GUCY2F: variants seen among roughly 807,000 people sequenced by gnomAD.
GUCY2F encodes guanylate cyclase 2F, retinal, also known as retinal guanylyl cyclase 2.
Under a neutral mutation model 73.1 loss-of-function variants are expected in GUCY2F, and 61 were observed. That is an observed-to-expected ratio of 0.83 (90% CI 0.68 to 1.03). GUCY2F has a LOEUF of 1.03. GUCY2F is among the 50% of genes least tolerant of loss of function. The pLI, the probability that GUCY2F is intolerant of heterozygous loss-of-function variation, is 0.00. For synonymous variants in GUCY2F, 331 were observed against 307.8 expected (o/e 1.08, Z -0.79); for missense variants, 912 against 854.3 (o/e 1.07, Z -0.84).
rs113880541 is a variant in GUCY2F, at chrX:109,410,439, C to T, written c.1792-1271G>A. 5.1e-3 allele frequency among the ~76,000 whole-genome samples: 571 copies of T among 112,168 alleles called. 3 individuals are homozygous for T. Among genetic ancestry groups the T allele is most frequent in the African/African-American group, 0.018 (541 of 30,857 alleles). Reference sequence around the variant, plus strand: ...ATAGCTTCCCTATATAAACATCAGGCCAGAGCTTATACAATTTTTTTCAGA... The same window carrying T: ...ATAGCTTCCCTATATAAACATCAGGTCAGAGCTTATACAATTTTTTTCAGA... On this transcript the variant is annotated intron_variant, in intron 8 of 19. Coordinates refer to ENST00000218006, the MANE Select transcript of GUCY2F (RefSeq NM_001522.3).
At chrX:109,373,676 C>G (rs1459444052) in intron 19 of GUCY2F, among the ~76,000 whole-genome samples, 1 of 112,146 alleles carries the variant, frequency 8.9e-6, no homozygotes, top group Non-Finnish European at 1.9e-5. Flanking sequence ...CTGCCAAGTC[C>G]TCCTGAACAG....
intron 8 of GUCY2F, among the ~76,000 whole-genome samples, chrX:109,428,296 C>G (rs936951222): frequency 8.9e-6 from 1 of 111,909 alleles, no homozygotes; most frequent in Non-Finnish European, 1.9e-5. Flanking sequence ...GTTAACATCA[C>G]CAGTAATGGG....
At chrX:109,408,842 G>A (rs1458138213) in intron 9 of GUCY2F, 150 bp downstream of exon 9, 9 of 433,872 alleles carry the variant, frequency 2.1e-5, no homozygotes, top group Non-Finnish European at 3.6e-5. Context: ...CCCAGTCTCA[G>A]GTATGTCTTT....
intron 8 of GUCY2F, among the ~76,000 whole-genome samples, chrX:109,417,926 A>G (rs1460899142): frequency 8.9e-6 from 1 of 111,810 alleles, no homozygotes; most frequent in African/African-American, 3.2e-5. Flanking sequence ...AAGACATAAT[A>G]ATAAAATGTA....
chrX:109,391,478 G>T (rs1030783454), intron 14 of GUCY2F, among the ~76,000 whole-genome samples: 2 of 111,430 alleles, frequency 1.8e-5, no homozygotes, highest in Non-Finnish European at 3.8e-5. Flanking sequence ...GCATGTATTA[G>T]ATCTACACAA....
chrX:109,447,525 A>C (rs1235320309), intron 6 of GUCY2F, among the ~76,000 whole-genome samples: 2 of 107,324 alleles, frequency 1.9e-5, no homozygotes, highest in Admixed American at 2.0e-4. Context: ...TATCGCAAGG[A>C]CAGGAAACCA....
intron 7 of GUCY2F, among the ~76,000 whole-genome samples, chrX:109,437,378 C>T (rs1437963174): frequency 1.8e-5 from 2 of 112,846 alleles, no homozygotes; most frequent in African/African-American, 6.4e-5. Context: ...TAACTTAGCT[C>T]TCTGCCTCCT....
chrX:109,409,016 T>C lies in GUCY2F; in HGVS notation c.1944A>G (p.Ser648=). 1 of 1,146,770 alleles carries C rather than the reference T, an allele frequency of 8.7e-7. No homozygotes were observed. The highest frequency in any genetic ancestry group is 2.4e-4 in the Middle Eastern group (1 of 4,212). 94.5% of individuals were successfully genotyped at this position (1,146,770 alleles called of 1,213,427 possible). A position where few individuals can be genotyped will look rare whatever the true frequency, so the allele number is the denominator to read the frequency against. Reference sequence around the variant, plus strand: ...CCTTTATGAGATCCAGCAAGAGTGATGATTTAAACATCCAGTCAAGTTTCA... The same window carrying C: ...CCTTTATGAGATCCAGCAAGAGTGACGATTTAAACATCCAGTCAAGTTTCA... ...QDVKLDWMFK[S]SLLLDLIKGM... Residue 648 remains serine (S), a synonymous_variant, in exon 9 of 20, where the codon TCA becomes TCG. Coordinates refer to ENST00000218006, the MANE Select transcript of GUCY2F (RefSeq NM_001522.3).
chrX:109,463,013 T>C (rs1932392721), intron 3 of GUCY2F, among the ~76,000 whole-genome samples: 1 of 111,846 alleles, frequency 8.9e-6, no homozygotes, highest in Admixed American at 9.5e-5. Context: ...TCAGTAACAA[T>C]AAAGTCCAAA....
At chrX:109,376,261 A>G (rs1475305719) in intron 17 of GUCY2F, 94 bp from the exon 18 acceptor site, 2 of 600,700 alleles carry the variant, frequency 3.3e-6, no homozygotes, top group African/African-American at 4.5e-5. Flanking sequence ...TTGCCTCACC[A>G]CTCCCTGGAG....
chrX:109,419,320 C>G lies in GUCY2F; in HGVS notation c.1792-10152G>C, dbSNP rs1414160060. ...CTTTTAAAAGATTAGCAAATATCGT[C>G]TAGCAATATATTAAAATGATAATAT... On this transcript the variant is annotated intron_variant, in intron 8 of 19. Transcript: ENST00000218006. Among the ~76,000 whole-genome samples, 3 of 110,621 alleles carry G rather than the reference C, an allele frequency of 2.7e-5. No individual in the cohort carries two copies. The Admixed American group carries it at 2.9e-4, about 11-fold the overall frequency.
chrX:109,468,698 C>T (rs1932517561), intron 2 of GUCY2F, among the ~76,000 whole-genome samples: 1 of 111,881 alleles, frequency 8.9e-6, no homozygotes, highest in South Asian at 3.8e-4. Flanking sequence ...AGTAGGCCAA[C>T]CTGTCCCCAT....
At chrX:109,462,111 G>A (rs1237888463) in intron 3 of GUCY2F, among the ~76,000 whole-genome samples, 1 of 112,721 alleles carries the variant, frequency 8.9e-6, no homozygotes, top group Non-Finnish European at 1.9e-5. Flanking sequence ...CCTCAAAGGA[G>A]AAAAAGTGGA....
chrX:109,442,903 G>A (rs1174499701), intron 6 of GUCY2F, among the ~76,000 whole-genome samples: 2 of 111,707 alleles, frequency 1.8e-5, no homozygotes, highest in South Asian at 3.7e-4. Flanking sequence ...CTCCATGAAG[G>A]GCAAAGGAGA....
chrX:109,399,267 A>G (rs772054796), intron 10 of GUCY2F, among the ~76,000 whole-genome samples: 6 of 112,806 alleles, frequency 5.3e-5, no homozygotes, highest in Non-Finnish European at 1.1e-4. Context: ...GCCCTGTGCT[A>G]GGCACAGAGG....
intron 3 of GUCY2F, among the ~76,000 whole-genome samples, chrX:109,462,843 G>C (rs1322566584): frequency 9.0e-6 from 1 of 111,640 alleles, no homozygotes; most frequent in Non-Finnish European, 1.9e-5. Flanking sequence ...TTACCATCTT[G>C]TTGCTTGCCT....
At chrX:109,446,160 G>T (rs768792572) in intron 6 of GUCY2F, among the ~76,000 whole-genome samples, 54 of 112,005 alleles carry the variant, frequency 4.8e-4, no homozygotes, top group African/African-American at 1.8e-3. Context: ...CCATGCTCAT[G>T]AATAAGAAGA....
intron 8 of GUCY2F, among the ~76,000 whole-genome samples, chrX:109,415,698 C>T (rs1327274569): frequency 8.9e-6 from 1 of 112,061 alleles, no homozygotes; most frequent in Non-Finnish European, 1.9e-5. Context: ...ACTAAAACTG[C>T]AACACAGCTT....
chrX:109,471,369 G>C (rs1932570212), intron 2 of GUCY2F, among the ~76,000 whole-genome samples: 1 of 112,489 alleles, frequency 8.9e-6, no homozygotes, highest in South Asian at 3.7e-4. Context: ...AAGAGCTGCA[G>C]GTAGGGCCTC....
Sources: gnomAD v4.1 joint callset for allele counts (sites outside exome capture counted in the v4.1 genomes callset) on GRCh38, gnomAD v4.1.1 for gene constraint, MANE v1.5 for transcripts, NCBI Gene and HGNC (gene_info 2026-07-23, HGNC 2026-07-21) for gene names.